Variants in ENAH observed in about 807,000 individuals in gnomAD.
ENAH encodes the protein protein enabled homolog.
ENAH carries 23 observed loss-of-function variants against 78.7 expected under a neutral mutation model. The observed-to-expected ratio is 0.29, with a 90% confidence interval of 0.21 to 0.41. ENAH has a LOEUF of 0.41. ENAH is among the 10% of genes least tolerant of loss of function. The pLI is 1.00. For missense variants in ENAH, 544 were observed against 691.0 expected, an observed-to-expected ratio of 0.79 and a Z score of 2.39; for synonymous variants, 226 against 241.0, an observed-to-expected ratio of 0.94 and a Z score of 0.58.
chr1:225,534,325 G>A (rs753542798), intron 3 of ENAH, among the ~76,000 whole-genome samples: 1 of 152,050 alleles, frequency 6.6e-6, no homozygotes, highest in Non-Finnish European at 1.5e-5. Context: ...CCACACAATA[G>A]GCTCACTGCT....
chr1:225,524,615 C>T (rs1411648054), intron 4 of ENAH: 2 of 985,344 alleles, frequency 2.0e-6, no homozygotes, highest in East Asian at 1.1e-4. Context: ...AGGCGGTCAA[C>T]TTTTGGTCCA....
chr1:225,653,132 C>G (rs1046899470), upstream of ENAH: 1 of 151,408 alleles, frequency 6.6e-6, no homozygotes. The surrounding 1 kb of genome is among the most constrained non-coding windows in gnomAD (Gnocchi z 4.3). Flanking sequence ...TCGGGATCGC[C>G]GCGAGGAACC....
intron 2 of ENAH, among the ~76,000 whole-genome samples, chr1:225,555,721 C>T (rs2096663316): frequency 1.3e-5 from 2 of 152,084 alleles, no homozygotes; most frequent in Non-Finnish European, 2.9e-5. Context: ...CACATGAAGT[C>T]AGTACCCTGA....
chr1:225,566,615 G>T (rs1258716826), intron 2 of ENAH, among the ~76,000 whole-genome samples: 1 of 152,064 alleles, frequency 6.6e-6, no homozygotes, highest in African/African-American at 2.4e-5. Flanking sequence ...CTTACTATTA[G>T]TATATAGTTA....
intron 4 of ENAH, among the ~76,000 whole-genome samples, chr1:225,526,724 A>G (rs2096508589): frequency 6.6e-6 from 1 of 152,164 alleles, no homozygotes; most frequent in Non-Finnish European, 1.5e-5. Flanking sequence ...TCCATTTAAA[A>G]TAACTACCCA....
At chr1:225,623,037 G>C (rs1411909033) in intron 1 of ENAH, among the ~76,000 whole-genome samples, 2 of 152,106 alleles carry the variant, frequency 1.3e-5, no homozygotes, top group African/African-American at 4.8e-5. Context: ...GCAAGTTAAG[G>C]CTTTAAAAGT....
intron 1 of ENAH, among the ~76,000 whole-genome samples, chr1:225,569,408 G>A (rs531572981): frequency 1.6e-3 from 244 of 152,202 alleles, no homozygotes; most frequent in Non-Finnish European, 2.1e-3. Context: ...AAACCAACAT[G>A]GCACACGTAT....
At chr1:225,573,845 T>A (rs1337565726) in intron 1 of ENAH, among the ~76,000 whole-genome samples, 1 of 152,242 alleles carries the variant, frequency 6.6e-6, no homozygotes, top group Non-Finnish European at 1.5e-5. Context: ...ACTCACTTAT[T>A]CAGAAACATG....
chr1:225,597,404 A>G (rs2096906907), intron 1 of ENAH, among the ~76,000 whole-genome samples: 1 of 152,166 alleles, frequency 6.6e-6, no homozygotes, highest in Non-Finnish European at 1.5e-5. Flanking sequence ...TCACACCTAT[A>G]ATCTCAACAC....
At chr1:225,564,485 G>A (rs2096725148) in intron 2 of ENAH, among the ~76,000 whole-genome samples, 1 of 150,198 alleles carries the variant, frequency 6.7e-6, no homozygotes, top group Non-Finnish European at 1.5e-5. Context: ...AGTAGAGACG[G>A]GGTTTCACCA....
chr1:225,557,196 C>G (rs1432713727), intron 2 of ENAH, among the ~76,000 whole-genome samples: 1 of 152,144 alleles, frequency 6.6e-6, no homozygotes, highest in Non-Finnish European at 1.5e-5. Flanking sequence ...TGCATGAAAG[C>G]TAACATATCA....
intron 4 of ENAH, among the ~76,000 whole-genome samples, chr1:225,527,727 G>GT (rs1370982961): frequency 2.0e-5 from 3 of 152,122 alleles, no homozygotes; most frequent in Non-Finnish European, 4.4e-5. Flanking sequence ...CACATTGCAC[G>GT]TGTGTTTGCA....
At chr1:225,632,815 T>G (rs1659338137) in intron 1 of ENAH, among the ~76,000 whole-genome samples, 1 of 152,114 alleles carries the variant, frequency 6.6e-6, no homozygotes, top group African/African-American at 2.4e-5. Flanking sequence ...ATTAATCCAG[T>G]GGAAAAGTTC....
intron 4 of ENAH, among the ~76,000 whole-genome samples, chr1:225,526,482 G>A (rs1233867266): frequency 6.6e-6 from 1 of 151,994 alleles, no homozygotes; most frequent in East Asian, 1.9e-4. Flanking sequence ...GGAACTACAG[G>A]TGCATGCCAC....
chr1:225,584,926 C>T (rs1575610684), intron 1 of ENAH, among the ~76,000 whole-genome samples: 1 of 152,152 alleles, frequency 6.6e-6, no homozygotes, highest in African/African-American at 2.4e-5. Context: ...TCTCTAAATA[C>T]ATAAAGCAAA....
At chr1:225,621,938 T>C (rs1657050617) in intron 1 of ENAH, among the ~76,000 whole-genome samples, 1 of 152,182 alleles carries the variant, frequency 6.6e-6, no homozygotes, top group South Asian at 2.1e-4. Flanking sequence ...TTTGATTCTC[T>C]CATAGCCTCC....
intron 1 of ENAH, among the ~76,000 whole-genome samples, chr1:225,578,111 A>G (rs934985207): frequency 1.3e-5 from 2 of 152,228 alleles, no homozygotes; most frequent in African/African-American, 2.4e-5. Flanking sequence ...TTAGAACCAT[A>G]AGAGAGACAG....
chr1:225,547,175 G>C lies in ENAH; in HGVS notation c.349+7731C>G, dbSNP rs539367564. ...CAACCTCCGCCTCCTGGATTCAAGTGATTCTCCTGCCTCAGCCTCTTGAGT... is the reference window on the plus strand; with the variant it reads ...CAACCTCCGCCTCCTGGATTCAAGTCATTCTCCTGCCTCAGCCTCTTGAGT... On this transcript the variant is annotated intron_variant, in intron 3 of 13. Coordinates refer to ENST00000366843, the MANE Select transcript of ENAH (RefSeq NM_018212.6). 3.3e-5 allele frequency among the ~76,000 whole-genome samples: 5 copies of C among 151,952 alleles called. No homozygotes were observed. The South Asian group carries it at 6.2e-4, about 19-fold the overall frequency.
Position 225,519,358 on chromosome 1 carries a change from T to G in ENAH, c.642A>C (p.Glu214Asp). ...LERQERLERQ[E>D]RLERQERLDR... ...CCAGGCGTTCCTGCCGCTCCAGGCG[T>G]TCCTGCCGCTCCAGGCGTTCCTGCC... Residue 214 changes from glutamate (E) to aspartate (D), a missense_variant, in exon 5 of 14, where the codon GAA (glutamate) becomes GAC (aspartate). By Grantham distance (45) the Glu-to-Asp change is conservative. Transcript: ENST00000366843. 6.2e-7 allele frequency: 1 copy of G among 1,609,850 alleles called. No homozygotes were observed. Among genetic ancestry groups the G allele is most frequent in the African/African-American group, 1.3e-5 (1 of 74,782 alleles).
Sources: gnomAD v4.1 joint callset for allele counts (sites outside exome capture counted in the v4.1 genomes callset) on GRCh38, gnomAD v4.1.1 for gene constraint, Gnocchi (gnomAD v3.1) non-coding constraint, MANE v1.5 for transcripts, NCBI Gene and HGNC (gene_info 2026-07-23, HGNC 2026-07-21) for gene names.